NSMF: variants seen among roughly 807,000 people sequenced by gnomAD.
NSMF encodes the protein NMDA receptor synaptonuclear signaling and neuronal migration factor, also known as nasal embryonic LHRH factor.
NSMF carries 31 observed loss-of-function variants against 71.0 expected under a neutral mutation model. The observed-to-expected ratio is 0.44, with a 90% CI of 0.33 to 0.59. The LOEUF (loss-of-function observed/expected upper bound fraction) is 0.59, where lower values mean the gene tolerates loss of function less well. Ranked by LOEUF, NSMF falls within the 20% of genes least tolerant of loss-of-function variation. The pLI is 0.04. For synonymous variants in NSMF, 345 were observed against 287.1 expected (o/e 1.20, Z -2.04); for missense variants, 673 against 740.5 (o/e 0.91, Z 1.06).
At chr9:137,454,698 C>T (rs886580478) in intron 6 of NSMF, 4 of 1,516,892 alleles carry the variant, frequency 2.6e-6, no homozygotes, top group Non-Finnish European at 3.5e-6. Flanking sequence ...AGTCTCCTCC[C>T]GAGCTGCATT....
intron 12 of NSMF, among the ~76,000 whole-genome samples, chr9:137,450,845 G>A (rs1013407990): frequency 4.2e-4 from 4 of 9,570 alleles, no homozygotes; most frequent in Non-Finnish European, 7.3e-4. Context: ...TGACCTGCCC[G>A]CCACGCCTCT....
chr9:137,455,091 T>C, intron 6 of NSMF, 148 bp downstream of exon 6: 1 of 874,028 alleles, frequency 1.1e-6, no homozygotes, highest in Non-Finnish European at 1.9e-6. Flanking sequence ...CCACATGGCC[T>C]CTCCTGCCTG....
In NSMF at chr9:137,453,747, G is replaced by C. The variant is rs1830671320; in HGVS notation, c.906C>G (p.Ser302=). 2 of 1,602,426 alleles carry C rather than the reference G, an allele frequency of 1.2e-6. No homozygotes were observed. The highest frequency in any genetic ancestry group is 1.7e-6 in the Non-Finnish European group (2 of 1,178,400). ...SDPTPMKADT[S]HDSRDSSDLQ... ...GGCACCTACTGTCTCGGGAGTCGTG[G>C]GAAGTGTCGGCTTTCATGGGGGTGG... Residue 302 remains serine, a synonymous_variant, in exon 8 of 16, where the codon TCC becomes TCG. Coordinates refer to ENST00000371475, the MANE Select transcript of NSMF (RefSeq NM_001130969.3). The surrounding 1 kb of genome is among the most constrained non-coding windows in gnomAD (Gnocchi z 4.5).
rs780775711 is a variant in NSMF, at chr9:137,453,858, G to A, written c.833-38C>T. 1 of 1,533,144 alleles carries A rather than the reference G, an allele frequency of 6.5e-7. No homozygotes were observed. The highest frequency in any genetic ancestry group is 1.2e-5 in the South Asian group (1 of 85,118). The allele number at this position is 1,533,144 out of a possible 1,614,324, so 95.0% of individuals were successfully genotyped here. On this transcript the variant is annotated intron_variant, in intron 7 of 15. Coordinates refer to ENST00000371475, the MANE Select transcript of NSMF (RefSeq NM_001130969.3). The surrounding 1 kb of genome is among the most constrained non-coding windows in gnomAD (Gnocchi z 4.5). ...AAACCCGCATTAGCGAGCGGGTGGGGCGGGGCCTCGGGAGTCTCAGACCCC... is the reference window on the plus strand; with the variant it reads ...AAACCCGCATTAGCGAGCGGGTGGGACGGGGCCTCGGGAGTCTCAGACCCC...
In NSMF at chr9:137,447,930, GCCC is replaced by G. The variant is rs1457817392; in HGVS notation, c.*1461_*1463del. 6.6e-6 allele frequency: 1 copy of G among 152,198 alleles called. No homozygotes were observed. Among genetic ancestry groups the G allele is most frequent in the Admixed American group, 6.5e-5 (1 of 15,282 alleles). The allele number at this position is 152,198 out of a possible 1,614,324, so 9.4% of individuals were successfully genotyped here. A position where few individuals can be genotyped will look rare whatever the true frequency, so the allele number is the denominator to read the frequency against. ...CACAGTGTGGCGTGAGGGACATACAGCCCTCTCCCTGGTGCCCTCAGGCGGCAG... is the reference window on the plus strand; with the variant it reads ...CACAGTGTGGCGTGAGGGACATACAGTCTCCCTGGTGCCCTCAGGCGGCAG... On this transcript the variant is annotated 3_prime_UTR_variant, in exon 16 of 16. Coordinates refer to ENST00000371475, the MANE Select transcript of NSMF (RefSeq NM_001130969.3).
At position 137,453,040 on chromosome 9, in the gene NSMF, C is replaced by A; in HGVS notation, c.1047+16G>T. The stretch of plus-strand genomic sequence containing the variant: ...TGCTCGGGGTGTAGAGGAGCACTGC[C>A]CGGGCTGGGCCTCACCATGACCTTT... On this transcript the variant is annotated intron_variant, in intron 9 of 15. Coordinates refer to ENST00000371475, the MANE Select transcript of NSMF (RefSeq NM_001130969.3). The surrounding 1 kb of genome is among the most constrained non-coding windows in gnomAD (Gnocchi z 4.5). 6.2e-7 allele frequency: 1 copy of A among 1,611,960 alleles called. No individual in the cohort carries two copies. The highest frequency in any genetic ancestry group is 8.5e-7 in the Non-Finnish European group (1 of 1,179,886).
chr9:137,449,337 C>G lies in NSMF; in HGVS notation c.*57G>C. 2.0e-6 allele frequency: 3 copies of G among 1,476,706 alleles called. No homozygotes were observed. Among genetic ancestry groups the G allele is most frequent in the Non-Finnish European group, 2.8e-6 (3 of 1,060,778 alleles). 91.5% of individuals were successfully genotyped at this position (1,476,706 alleles called of 1,614,324 possible). On this transcript the variant is annotated 3_prime_UTR_variant, in exon 16 of 16. Transcript: ENST00000371475. ...CCGGGGAGCACGAGGCGGCCCAGCC[C>G]CAGGTCCCGGTGCAGAGGGAGTGGC...
intron 6 of NSMF, chr9:137,454,907 A>C (rs1830754126): frequency 1.4e-6 from 1 of 733,680 alleles, no homozygotes; most frequent in African/African-American, 1.8e-5. Flanking sequence ...CCTCTCCTCC[A>C]CCAAACTTTG....
intron 14 of NSMF, 53 bp downstream of exon 14, chr9:137,449,870 G>A: frequency 6.8e-7 from 1 of 1,475,628 alleles, no homozygotes; most frequent in Non-Finnish European, 9.5e-7. Context: ...TGCCCTGTCT[G>A]TCCACGTCGG....
chr9:137,457,948 G>A, intron 2 of NSMF, 47 bp from the exon 3 acceptor site: 4 of 1,535,498 alleles, frequency 2.6e-6, no homozygotes, highest in African/African-American at 1.4e-5. Context: ...TGGGCCCCCC[G>A]CTGCCGGTTT....
At chr9:137,450,308 A>T in intron 12 of NSMF, 53 bp from the exon 13 acceptor site, 1 of 1,449,524 alleles carries the variant, frequency 6.9e-7, no homozygotes. Context: ...CCTCTCCGAC[A>T]CACATGCACC....
In NSMF at chr9:137,453,971, C is replaced by G; in HGVS notation, c.833-151G>C. The G allele has an allele frequency of 1.5e-6, 1 of 675,924 alleles. No individual in the cohort carries two copies. The highest frequency in any genetic ancestry group is 1.7e-5 in the South Asian group (1 of 57,782). 41.9% of individuals were successfully genotyped at this position (675,924 alleles called of 1,614,324 possible). On this transcript the variant is annotated intron_variant, in intron 7 of 15. Coordinates refer to ENST00000371475, the MANE Select transcript of NSMF (RefSeq NM_001130969.3). The surrounding 1 kb of genome is among the most constrained non-coding windows in gnomAD (Gnocchi z 4.5). ...ACATGAAGCAGACACGGACCAGAGG[C>G]TCGGTTGGTTCAGGGGCAGGATCTG...
chr9:137,456,366 A>G, intron 4 of NSMF, 45 bp downstream of exon 4: 1 of 1,477,628 alleles, frequency 6.8e-7, no homozygotes, highest in Non-Finnish European at 9.5e-7. Flanking sequence ...AGCAGCAGAA[A>G]GAGACCACCC....
At chr9:137,450,662 C>T (rs557021627) in intron 12 of NSMF, among the ~76,000 whole-genome samples, 1 of 37,574 alleles carries the variant, frequency 2.7e-5, no homozygotes, top group South Asian at 1.5e-3. Flanking sequence ...CACCACACGC[C>T]TCTTCCCTTT....
intron 1 of NSMF, 65 bp downstream of exon 1, chr9:137,458,967 G>C (rs562066599): frequency 1.3e-5 from 15 of 1,193,672 alleles, no homozygotes; most frequent in African/African-American, 1.6e-5. Context: ...CGCGGGGCAG[G>C]GGCGGACTCG....
At chr9:137,456,232 A>C (rs930462070) in intron 4 of NSMF, 179 bp downstream of exon 4, 10 of 679,056 alleles carry the variant, frequency 1.5e-5, no homozygotes, top group South Asian at 9.9e-5. Context: ...GGCACCAGCC[A>C]TGGGAGGGGA....
In NSMF at chr9:137,452,781, G is replaced by T. The variant is rs149475082; in HGVS notation, c.1086C>A (p.Pro362=). The stretch of plus-strand genomic sequence containing the variant: ...AGGGGTCATCCCGGCGGATGATAGT[G>T]GGGATGTACTCAGCCTTGGGCACCT... ...SSKVPKAEYI[P]TIIRRDDPSI... Residue 362 remains proline, a synonymous_variant, in exon 10 of 16, where the codon CCC becomes CCA. Transcript: ENST00000371475. The T allele has an allele frequency of 2.4e-4, 385 of 1,607,176 alleles. 2 individuals are homozygous for T. In the African/African-American group the frequency reaches 3.8e-3, roughly 16 times the overall value.
Position 137,452,377 on chromosome 9 carries a change from C to T in NSMF, c.1224G>A (p.Leu408=), listed in dbSNP as rs1830579485. Residue 408 remains leucine (L), a synonymous_variant, in exon 12 of 16, where the codon CTG becomes CTA. Coordinates refer to ENST00000371475, the MANE Select transcript of NSMF (RefSeq NM_001130969.3). ...CACTGAGCCCCACCTGGCAGAAAAT[C>T]AGCATTTTCCAGATCTTGGCTCCCT... ...YHKGAKIWKM[L]IFCQGGPGHL... 1.2e-6 allele frequency: 2 copies of T among 1,611,956 alleles called. No homozygotes were observed. The highest frequency in any genetic ancestry group is 1.7e-5 in the Admixed American group (1 of 59,932).
At chr9:137,458,047 T>C in intron 2 of NSMF, 146 bp from the exon 3 acceptor site, 1 of 1,166,826 alleles carries the variant, frequency 8.6e-7, no homozygotes. Context: ...CTGGCGTGTT[T>C]CTGAGCCCCT....
Sources: gnomAD v4.1 joint callset for allele counts (sites outside exome capture counted in the v4.1 genomes callset) on GRCh38, gnomAD v4.1.1 for gene constraint, Gnocchi (gnomAD v3.1) non-coding constraint, MANE v1.5 for transcripts, NCBI Gene and HGNC (gene_info 2026-07-23, HGNC 2026-07-21) for gene names.